Variants in HNRNPM observed in about 807,000 individuals in gnomAD.
The protein encoded by HNRNPM is heterogeneous nuclear ribonucleoprotein M.
HNRNPM carries 11 observed loss-of-function variants against 73.1 expected under a neutral mutation model. That is an observed-to-expected ratio of 0.15 (90% CI 0.09 to 0.25). The LOEUF is 0.25. HNRNPM is among the 10% of genes least tolerant of loss of function. The pLI, the probability that HNRNPM is intolerant of heterozygous loss-of-function variation, is 1.00. For synonymous variants in HNRNPM, 407 were observed against 355.2 expected (o/e 1.15, Z -1.64); for missense variants, 789 against 1,067.9 (o/e 0.74, Z 3.64).
chr19:8,486,778 C>G (rs1033650565), intron 14 of HNRNPM, among the ~76,000 whole-genome samples: 2 of 152,268 alleles, frequency 1.3e-5, no homozygotes, highest in African/African-American at 4.8e-5. Flanking sequence ...CTGCGCACCG[C>G]AGGCCTGAGT....
chr19:8,474,128 T>G (rs776670735), intron 11 of HNRNPM, 39 bp from the exon 12 acceptor site: 12 of 1,461,922 alleles, frequency 8.2e-6, no homozygotes, highest in Non-Finnish European at 1.1e-5. Flanking sequence ...GTCTAAGCAG[T>G]CTTGTTGGAT....
chr19:8,476,642 C>A lies in HNRNPM; in HGVS notation c.1120+2398C>A, dbSNP rs571133933. ...GCAGTGTTTGACAGTGAAAATGCTA[C>A]CCTTTGTGGGTGTAAATTGGAGTTC... On this transcript the variant is annotated intron_variant, in intron 12 of 15. Coordinates refer to ENST00000325495, the MANE Select transcript of HNRNPM (RefSeq NM_005968.5). Among the ~76,000 whole-genome samples the A allele has an allele frequency of 3.7e-4, 56 of 152,080 alleles. 1 individual carries two copies. The East Asian group carries it at 0.011, about 29-fold the overall frequency.
rs908322753 is a variant in HNRNPM, at chr19:8,445,109, G to C, written c.111G>C (p.Lys37Asn). Residue 37 changes from lysine (K) to asparagine (N), a missense_variant and splice_region_variant, in exon 1 of 16, where the codon AAG (lysine) becomes AAC (asparagine). By Grantham distance (94) the Lys-to-Asn change is moderately conservative (BLOSUM62 0). Transcript: ENST00000325495. The part of the protein sequence containing the change: ...VPSGNGAPGP[K>N]GEGERPAQNE... The stretch of plus-strand genomic sequence containing the variant: ...GCGGCAACGGGGCTCCGGGCCCTAA[G>C]GGGTGAGTATCCCACGGTCCTTTGC... 7.1e-7 allele frequency: 1 copy of C among 1,408,776 alleles called. No homozygotes were observed. Among genetic ancestry groups the C allele is most frequent in the Non-Finnish European group, 9.3e-7 (1 of 1,080,046 alleles). 87.3% of individuals were successfully genotyped at this position (1,408,776 alleles called of 1,614,324 possible). A position where few individuals can be genotyped will look rare whatever the true frequency, so the allele number is the denominator to read the frequency against.
chr19:8,489,058 T>C lies in HNRNPM; in HGVS notation c.*204T>C, dbSNP rs895818999. 3.9e-6 allele frequency: 2 copies of C among 517,812 alleles called. No homozygotes were observed. Among genetic ancestry groups the C allele is most frequent in the Non-Finnish European group, 6.9e-6 (2 of 289,744 alleles). 32.1% of individuals were successfully genotyped at this position (517,812 alleles called of 1,614,324 possible). On this transcript the variant is annotated 3_prime_UTR_variant, in exon 16 of 16. Coordinates refer to ENST00000325495, the MANE Select transcript of HNRNPM (RefSeq NM_005968.5). ...CAATGTGCGCAATTTTTTTTGTAGTTGTGGCATCTTGTTGACATCGAATAT... is the reference window on the plus strand; with the variant it reads ...CAATGTGCGCAATTTTTTTTGTAGTCGTGGCATCTTGTTGACATCGAATAT...
intron 1 of HNRNPM, among the ~76,000 whole-genome samples, chr19:8,454,276 TC>T (rs1177712432): frequency 1.3e-5 from 2 of 152,238 alleles, no homozygotes; most frequent in Non-Finnish European, 2.9e-5. Flanking sequence ...TGTTCTACTT[TC>T]TGTGTATGGA....
At chr19:8,468,736 C>G (rs750196672) in intron 8 of HNRNPM, 38 bp from the exon 9 acceptor site, 1 of 1,550,254 alleles carries the variant, frequency 6.5e-7, no homozygotes, top group Non-Finnish European at 8.9e-7. Context: ...CACTGCTGCA[C>G]TGGATACTGA....
chr19:8,472,736 C>CCA (rs1970237956), intron 10 of HNRNPM, among the ~76,000 whole-genome samples: 1 of 152,162 alleles, frequency 6.6e-6, no homozygotes, highest in African/African-American at 2.4e-5. Flanking sequence ...GCATGTGCCA[C>CCA]CACACCCAGC....
At chr19:8,476,651 G>A (rs775907937) in intron 12 of HNRNPM, among the ~76,000 whole-genome samples, 1 of 152,126 alleles carries the variant, frequency 6.6e-6, no homozygotes, top group African/African-American at 2.4e-5. Context: ...ACCCTTTGTG[G>A]GTGTAAATTG....
intron 10 of HNRNPM, among the ~76,000 whole-genome samples, chr19:8,473,241 TCAAAAA>T (rs1970276691): frequency 6.6e-6 from 1 of 151,810 alleles, no homozygotes; most frequent in Non-Finnish European, 1.5e-5. Flanking sequence ...AGACCCTGTC[TCAAAAA>T]CAAAAAAAAC....
chr19:8,463,782 T>TACAAA, intron 5 of HNRNPM, 96 bp downstream of exon 5: 1 of 812,282 alleles, frequency 1.2e-6, no homozygotes, highest in Non-Finnish European at 2.0e-6. Flanking sequence ...AGACGGCATT[T>TACAAA]ACAAAGCAAG....
In HNRNPM at chr19:8,465,340, A is replaced by G. The variant is rs929618962; in HGVS notation, c.455A>G (p.His152Arg). Residue 152 changes from histidine to arginine, a missense_variant, in exon 6 of 16, where the codon CAT becomes CGT. Transcript: ENST00000325495. ...TTGTTTTAGGATCCTGATGGTGAACATGCCAGGAGAGCAATGCAAAAGGTG... is the reference window on the plus strand; with the variant it reads ...TTGTTTTAGGATCCTGATGGTGAACGTGCCAGGAGAGCAATGCAAAAGGTG... ...LKVKEDPDGE[H>R]ARRAMQKVMA... 2 of 1,606,366 alleles carry G rather than the reference A, an allele frequency of 1.2e-6. No individual in the cohort carries two copies. Among genetic ancestry groups the G allele is most frequent in the East Asian group, 2.2e-5 (1 of 44,746 alleles).
intron 13 of HNRNPM, among the ~76,000 whole-genome samples, chr19:8,485,223 G>A (rs10412549): frequency 1.3e-5 from 2 of 151,870 alleles, no homozygotes; most frequent in African/African-American, 4.8e-5. Flanking sequence ...CCCCCCGAGT[G>A]GGGGGTGTCC....
chr19:8,447,841 AC>A (rs1968315499), intron 1 of HNRNPM, among the ~76,000 whole-genome samples: 1 of 152,206 alleles, frequency 6.6e-6, no homozygotes, highest in Non-Finnish European at 1.5e-5. Flanking sequence ...CCTGGCTAAC[AC>A]GGTGAAACCC....
chr19:8,471,786 A>G (rs946211646), intron 10 of HNRNPM, among the ~76,000 whole-genome samples: 4 of 152,176 alleles, frequency 2.6e-5, no homozygotes, highest in African/African-American at 9.7e-5. Context: ...GCACTGCCGC[A>G]GTGCCCTGAA....
At chr19:8,449,170 C>T (rs978840688) in intron 1 of HNRNPM, among the ~76,000 whole-genome samples, 3 of 152,194 alleles carry the variant, frequency 2.0e-5, no homozygotes, top group African/African-American at 7.2e-5. Context: ...GATTAGAAGA[C>T]AGGGTTTTGG....
chr19:8,483,246 A>C, intron 13 of HNRNPM, 35 bp downstream of exon 13: 1 of 1,543,754 alleles, frequency 6.5e-7, no homozygotes, highest in Non-Finnish European at 9.0e-7. Flanking sequence ...TTGTTTTTTT[A>C]GAACAGGCTG....
At chr19:8,459,706 G>C (rs919303880) in intron 2 of HNRNPM, among the ~76,000 whole-genome samples, 3 of 152,112 alleles carry the variant, frequency 2.0e-5, no homozygotes, top group Admixed American at 6.5e-5. Context: ...TACTCATTTG[G>C]CTAAAGGTCT....
At chr19:8,450,027 T>TAA (rs1968495751) in intron 1 of HNRNPM, among the ~76,000 whole-genome samples, 5 of 152,278 alleles carry the variant, frequency 3.3e-5, no homozygotes, top group Admixed American at 3.3e-4. Flanking sequence ...GTTGCGCTGG[T>TAA]TTTGCTGGTA....
At chr19:8,458,530 G>A (rs956608122) in intron 2 of HNRNPM, among the ~76,000 whole-genome samples, 15 of 152,196 alleles carry the variant, frequency 9.9e-5, no homozygotes, top group African/African-American at 3.4e-4. Context: ...CCAGGCAGCC[G>A]GCAGCACCCA....
Sources: gnomAD v4.1 joint callset for allele counts (sites outside exome capture counted in the v4.1 genomes callset) on GRCh38, gnomAD v4.1.1 for gene constraint, MANE v1.5 for transcripts, NCBI Gene and HGNC (gene_info 2026-07-23, HGNC 2026-07-21) for gene names.